The following EPHA6 variants were observed in gnomAD, a reference collection of about 807,000 sequenced individuals.
EPHA6 encodes the protein ephrin type-A receptor 6.
A neutral mutation model predicts 112.0 loss-of-function variants in EPHA6; 50 were observed. That is an observed-to-expected ratio of 0.45 (90% CI 0.36 to 0.56). The LOEUF is 0.56. Ranked by LOEUF, EPHA6 falls within the 20% of genes least tolerant of loss-of-function variation. The pLI is 0.00. For missense variants in EPHA6, 1,280 were observed against 1,417.4 expected (o/e 0.90, Z 1.56); for synonymous variants, 529 against 490.7 (o/e 1.08, Z -1.03).
At position 97,084,144 on chromosome 3, in the gene EPHA6, A is replaced by G. The variant is rs2046820431; in HGVS notation, c.1114+96151A>G. Among the ~76,000 whole-genome samples the G allele has an allele frequency of 4.2e-5, 6 of 143,898 alleles. No individual in the cohort carries two copies. The South Asian group carries it at 1.4e-3, about 33-fold the overall frequency. The allele number at this position is 143,898 out of a possible 152,430, so 94.4% of individuals were successfully genotyped here. A position where few individuals can be genotyped will look rare whatever the true frequency, so the allele number is the denominator to read the frequency against. ...TATATGGATATATATCCATGCACAC[A>G]CACACACACACACACAATATCCCCA... On this transcript the variant is annotated intron_variant, in intron 3 of 17. Transcript: ENST00000389672.
chr3:97,025,934 TA>T (rs2044621805), intron 3 of EPHA6, among the ~76,000 whole-genome samples: 1 of 152,102 alleles, frequency 6.6e-6, no homozygotes, highest in African/African-American at 2.4e-5. Context: ...GTATGTGGTG[TA>T]AGGTGGGGGT....
At chr3:97,104,570 C>T (rs1237776842) in intron 3 of EPHA6, among the ~76,000 whole-genome samples, 5 of 152,034 alleles carry the variant, frequency 3.3e-5, no homozygotes, top group Admixed American at 6.6e-5. Context: ...AGGATTTTTG[C>T]GTCAATGTTT....
chr3:97,150,411 A>T (rs2076144402), intron 3 of EPHA6, among the ~76,000 whole-genome samples: 1 of 152,154 alleles, frequency 6.6e-6, no homozygotes, highest in South Asian at 2.1e-4. Context: ...CTTACAGTAC[A>T]GTAAAATAAA....
rs200353772 is a variant in EPHA6, at chr3:97,075,051, C to CT, written c.1114+87066dup. Among the ~76,000 whole-genome samples the CT allele has an allele frequency of 5.0e-3, 756 of 151,574 alleles. 6 individuals carry two copies. The highest frequency in any genetic ancestry group is 0.016 in the African/African-American group (656 of 41,364). Reference sequence around the variant, plus strand: ...AGGGAGAAAAATTGATTTTCTGGTACTTTTTTTTACCAGCAATTAGGACTA... The same window carrying CT: ...AGGGAGAAAAATTGATTTTCTGGTACTTTTTTTTTACCAGCAATTAGGACTA... On this transcript the variant is annotated intron_variant, in intron 3 of 17. Coordinates refer to ENST00000389672, the MANE Select transcript of EPHA6 (RefSeq NM_001080448.3).
At chr3:97,578,872 A>G (rs2093412078) in intron 11 of EPHA6, among the ~76,000 whole-genome samples, 1 of 152,216 alleles carries the variant, frequency 6.6e-6, no homozygotes, top group Non-Finnish European at 1.5e-5. Context: ...TGTGTTAAAA[A>G]TTTGGTCAGT....
intron 2 of EPHA6, among the ~76,000 whole-genome samples, chr3:96,896,467 G>A (rs1365453198): frequency 2.0e-5 from 3 of 152,208 alleles, no homozygotes; most frequent in South Asian, 2.1e-4. Context: ...TAAAAAGTCT[G>A]GATTCAAGCA....
At chr3:97,721,844 A>C (rs1046089633) in intron 15 of EPHA6, among the ~76,000 whole-genome samples, 1 of 152,116 alleles carries the variant, frequency 6.6e-6, no homozygotes, top group Non-Finnish European at 1.5e-5. Context: ...CAGAGGCATA[A>C]ATTTGTTCCT....
rs189632742 is a variant in EPHA6, at chr3:97,187,286, G to A, written c.1115-38978G>A. Reference sequence around the variant, plus strand: ...GCTCTTGATACTTCTACTTAGGAATGCCATATATAAGCCGGGCACGGTGGC... The same window carrying A: ...GCTCTTGATACTTCTACTTAGGAATACCATATATAAGCCGGGCACGGTGGC... On this transcript the variant is annotated intron_variant, in intron 3 of 17. Transcript: ENST00000389672. 1.1e-4 allele frequency among the ~76,000 whole-genome samples: 16 copies of A among 152,074 alleles called. No individual in the cohort carries two copies. In the East Asian group the frequency reaches 2.7e-3, roughly 26 times the overall value.
At chr3:97,228,757 C>A (rs1292490837) in intron 4 of EPHA6, among the ~76,000 whole-genome samples, 3 of 152,106 alleles carry the variant, frequency 2.0e-5, no homozygotes, top group Non-Finnish European at 2.9e-5. Flanking sequence ...ATTGCTGGAT[C>A]AAATGATAGT....
At position 97,092,978 on chromosome 3, in the gene EPHA6, C is replaced by T. The variant is rs59697680; in HGVS notation, c.1114+104985C>T. On this transcript the variant is annotated intron_variant, in intron 3 of 17. Transcript: ENST00000389672. The stretch of plus-strand genomic sequence containing the variant: ...TTGTAGCTCCAGTCTTGTGTAGGGT[C>T]TCAAATCCACTTGGTGGGTAGAATA... Among the ~76,000 whole-genome samples the T allele has an allele frequency of 2.3e-4, 35 of 152,194 alleles. No homozygotes were observed. In the East Asian group the frequency reaches 5.4e-3, roughly 24 times the overall value.
intron 11 of EPHA6, among the ~76,000 whole-genome samples, chr3:97,586,146 C>A (rs1225112663): frequency 6.6e-6 from 1 of 152,182 alleles, no homozygotes; most frequent in Non-Finnish European, 1.5e-5. Context: ...ACTCAACTTG[C>A]ATTTATTGAA....
rs2094184936 is a variant in EPHA6 at position 97,663,587 on chromosome 3, TG to T, written c.2784+25507del. The stretch of plus-strand genomic sequence containing the variant: ...CCTATGAGTAAGAACATGTGGTGTT[TG>T]GTTTTTTGTCCTTGCAGTAGTTTGC... On this transcript the variant is annotated intron_variant, in intron 14 of 17. Coordinates refer to ENST00000389672, the MANE Select transcript of EPHA6 (RefSeq NM_001080448.3). Among the ~76,000 whole-genome samples, 7 of 151,680 alleles carry T rather than the reference TG, an allele frequency of 4.6e-5. No individual in the cohort carries two copies. The South Asian group carries it at 1.5e-3, about 32-fold the overall frequency.
chr3:97,462,555 G>A (rs2090925332), intron 7 of EPHA6, among the ~76,000 whole-genome samples: 3 of 152,078 alleles, frequency 2.0e-5, no homozygotes, highest in Admixed American at 2.0e-4. Context: ...GTCATCTCAT[G>A]AATGTCCTTG....
intron 3 of EPHA6, among the ~76,000 whole-genome samples, chr3:96,997,611 G>T (rs2043470244): frequency 6.6e-6 from 1 of 151,978 alleles, no homozygotes; most frequent in African/African-American, 2.4e-5. Flanking sequence ...GCTTATGTGA[G>T]TATGGTTTAT....
intron 3 of EPHA6, among the ~76,000 whole-genome samples, chr3:96,992,131 C>T (rs79806476): frequency 0.014 from 2,111 of 152,234 alleles, 59 homozygotes; most frequent in African/African-American, 0.048. Flanking sequence ...CTGGAAACCT[C>T]TTTAATTTGA....
At chr3:96,868,514 C>T (rs1398363049) in intron 2 of EPHA6, among the ~76,000 whole-genome samples, 1 of 151,852 alleles carries the variant, frequency 6.6e-6, no homozygotes, top group Non-Finnish European at 1.5e-5. Context: ...TATATCGAAA[C>T]ATTAAAATTG....
At chr3:96,899,697 T>C (rs1462274952) in intron 2 of EPHA6, among the ~76,000 whole-genome samples, 1 of 152,160 alleles carries the variant, frequency 6.6e-6, no homozygotes, top group Admixed American at 6.5e-5. Context: ...GTAAAACAAT[T>C]AACTGTTTTG....
chr3:97,227,584 G>C (rs1436331264), intron 4 of EPHA6, among the ~76,000 whole-genome samples: 1 of 152,170 alleles, frequency 6.6e-6, no homozygotes, highest in Non-Finnish European at 1.5e-5. Context: ...GGGAAATATA[G>C]CCTCTGACCA....
chr3:96,860,358 A>AT (rs940209141), intron 1 of EPHA6, among the ~76,000 whole-genome samples: 6 of 151,130 alleles, frequency 4.0e-5, no homozygotes, highest in East Asian at 3.9e-4. Context: ...AGCCACTGTT[A>AT]TTTTTTTTTA....
Sources: allele counts gnomAD v4.1 joint callset (sites outside exome capture counted in the v4.1 genomes callset), GRCh38; gene constraint gnomAD v4.1.1; transcripts MANE v1.5; gene names NCBI Gene and HGNC (gene_info 2026-07-23, HGNC 2026-07-21).